Variants in CFAP251 observed in about 807,000 individuals in gnomAD.
CFAP251 encodes cilia- and flagella-associated protein 251.
A neutral mutation model predicts 126.7 loss-of-function variants in CFAP251; 93 were observed. The ratio of observed to expected loss-of-function variants is 0.73; its 90% CI spans 0.62 to 0.87. The LOEUF (loss-of-function observed/expected upper bound fraction) is 0.87, where lower values mean the gene tolerates loss of function less well. Ranked by LOEUF, CFAP251 falls within the 40% of genes least tolerant of loss-of-function variation. The probability of loss-of-function intolerance (pLI) is 0.00; values close to 1 mark genes in which losing one functional copy is unlikely to be tolerated. For synonymous variants in CFAP251, 503 were observed against 506.9 expected (o/e 0.99, Z 0.10); for missense variants, 1,287 against 1,389.2 (o/e 0.93, Z 1.17).
chr12:121,982,361 C>T (rs951375810), intron 19 of CFAP251, among the ~76,000 whole-genome samples: 4 of 151,662 alleles, frequency 2.6e-5, no homozygotes, highest in African/African-American at 9.7e-5. Context: ...CGCACATCAC[C>T]ACATCATTCA....
In CFAP251 at chr12:121,931,936, G is replaced by A. The variant is rs565385219; in HGVS notation, c.888+50G>A. On this transcript the variant is annotated intron_variant, in intron 4 of 21. Transcript: ENST00000288912. Reference sequence around the variant, plus strand: ...GGTGGGGGAGTTGTCTTTAACGTGCGTGTGGTATTTTGTTTTGTATCTCAA... The same window carrying A: ...GGTGGGGGAGTTGTCTTTAACGTGCATGTGGTATTTTGTTTTGTATCTCAA... The A allele has an allele frequency of 1.5e-5, 21 of 1,420,038 alleles. No individual in the cohort carries two copies. The Admixed American group carries it at 1.9e-4, about 13-fold the overall frequency. The allele number at this position is 1,420,038 out of a possible 1,614,324, so 88.0% of individuals were successfully genotyped here. A position where few individuals can be genotyped will look rare whatever the true frequency, so the allele number is the denominator to read the frequency against.
intron 19 of CFAP251, chr12:121,992,526 T>C: frequency 1.0e-6 from 1 of 978,526 alleles, no homozygotes; most frequent in South Asian, 4.7e-5. Flanking sequence ...CTGAGTTAAA[T>C]CATATATTAC....
intron 8 of CFAP251, 31 bp from the exon 9 acceptor site, chr12:121,951,449 T>A (rs1477236879): frequency 6.8e-7 from 1 of 1,472,348 alleles, no homozygotes; most frequent in East Asian, 2.3e-5. Flanking sequence ...CTGGGTCTTT[T>A]TGAGTAGTGA....
At chr12:121,926,216 A>G (rs1336622530) in intron 3 of CFAP251, among the ~76,000 whole-genome samples, 1 of 151,710 alleles carries the variant, frequency 6.6e-6, no homozygotes, top group Non-Finnish European at 1.5e-5. Flanking sequence ...CTAGAACTCA[A>G]TCCTCCCACT....
intron 5 of CFAP251, among the ~76,000 whole-genome samples, chr12:121,937,648 A>G (rs528619599): frequency 4.6e-5 from 7 of 152,272 alleles, no homozygotes; most frequent in African/African-American, 1.7e-4. Flanking sequence ...TGGGGAGGGA[A>G]GAGTTCAACA....
chr12:121,946,173 CTGTT>C (rs1444974438), intron 7 of CFAP251, among the ~76,000 whole-genome samples: 5 of 152,268 alleles, frequency 3.3e-5, no homozygotes, highest in Non-Finnish European at 2.9e-5. Flanking sequence ...TAAATGGACT[CTGTT>C]TGCAGAGAGC....
At chr12:121,941,365 G>T (rs1272695537) in intron 5 of CFAP251, among the ~76,000 whole-genome samples, 14 of 90,764 alleles carry the variant, frequency 1.5e-4, no homozygotes, top group South Asian at 3.7e-4. Context: ...GCAAGATCTT[G>T]CTTTATCACC....
chr12:122,003,732 A>ATT lies in CFAP251; in HGVS notation c.3420_3421dup (p.Ser1141PhefsTer17), dbSNP rs751372267. ...CGCGACTGAAATTCTTGGCTTAACC[A>ATT]TTTCAGAAGATTCCGGCCAGGATGG... On this transcript the variant is annotated frameshift_variant, in exon 22 of 22. Coordinates refer to ENST00000288912, the MANE Select transcript of CFAP251 (RefSeq NM_144668.6). LOFTEE classifies it low-confidence loss of function (END_TRUNC). 6.2e-7 allele frequency: 1 copy of ATT among 1,609,382 alleles called. No individual in the cohort carries two copies. Among genetic ancestry groups the ATT allele is most frequent in the Non-Finnish European group, 8.5e-7 (1 of 1,178,606 alleles).
chr12:121,965,170 C>T (rs1882079126), intron 15 of CFAP251, among the ~76,000 whole-genome samples: 1 of 152,100 alleles, frequency 6.6e-6, no homozygotes, highest in African/African-American at 2.4e-5. Context: ...AGGCAGTTCA[C>T]AGGAAAAGGC....
intron 19 of CFAP251, chr12:121,997,751 G>GTTTT (rs199652481): frequency 5.5e-5 from 8 of 146,646 alleles, no homozygotes; most frequent in Admixed American, 4.7e-4. Context: ...AAATACAATA[G>GTTTT]TTTGTTTTTT....
At chr12:121,938,067 T>C (rs1880959170) in intron 5 of CFAP251, among the ~76,000 whole-genome samples, 1 of 151,762 alleles carries the variant, frequency 6.6e-6, no homozygotes, top group Non-Finnish European at 1.5e-5. Context: ...TGCAGTGGTG[T>C]GATCATGGCT....
At chr12:121,934,384 T>C in intron 5 of CFAP251, 28 bp downstream of exon 5, 1 of 1,544,910 alleles carries the variant, frequency 6.5e-7, no homozygotes, top group Admixed American at 1.7e-5. Flanking sequence ...ACTTCTTTTT[T>C]CCCTGAATTT....
At chr12:121,969,049 G>T in intron 17 of CFAP251, 1 of 985,314 alleles carries the variant, frequency 1.0e-6, no homozygotes, top group Non-Finnish European at 1.2e-6. Context: ...CGCTGCCTGT[G>T]GCTCGGCTGG....
intron 19 of CFAP251, among the ~76,000 whole-genome samples, chr12:121,995,928 A>G (rs371706965): frequency 6.4e-4 from 98 of 152,360 alleles, no homozygotes; most frequent in African/African-American, 2.2e-3. Flanking sequence ...TTTTATATGC[A>G]TAGAAAAAAT....
chr12:121,979,299 C>T (rs1004878995), intron 19 of CFAP251, among the ~76,000 whole-genome samples: 4 of 152,276 alleles, frequency 2.6e-5, no homozygotes, highest in South Asian at 4.1e-4. Context: ...TGAGAAAGTT[C>T]GTACAGCCCA....
chr12:121,958,824 C>G (rs548616210), intron 12 of CFAP251, 119 bp from the exon 13 acceptor site: 6 of 1,259,600 alleles, frequency 4.8e-6, no homozygotes, highest in Non-Finnish European at 6.6e-6. Flanking sequence ...TTTCTCCGCA[C>G]GGGAGCTTTG....
intron 19 of CFAP251, among the ~76,000 whole-genome samples, chr12:121,988,078 G>A (rs1882792302): frequency 6.6e-6 from 1 of 151,534 alleles, no homozygotes; most frequent in Non-Finnish European, 1.5e-5. Flanking sequence ...CACAATGATG[G>A]TGGAAGATAT....
chr12:121,971,399 C>G (rs183984132), intron 17 of CFAP251, among the ~76,000 whole-genome samples: 1 of 152,314 alleles, frequency 6.6e-6, no homozygotes, highest in African/African-American at 2.4e-5. Flanking sequence ...GTGAGAGGAC[C>G]CAGGACAGTG....
At chr12:121,935,513 C>T (rs1257992738) in intron 5 of CFAP251, among the ~76,000 whole-genome samples, 8 of 152,356 alleles carry the variant, frequency 5.3e-5, no homozygotes, top group East Asian at 1.9e-4. Flanking sequence ...AGGCTCTGCA[C>T]GGCTATGGCC....
Sources: allele counts gnomAD v4.1 joint callset (sites outside exome capture counted in the v4.1 genomes callset), GRCh38; gene constraint gnomAD v4.1.1; transcripts MANE v1.5; gene names NCBI Gene and HGNC (gene_info 2026-07-23, HGNC 2026-07-21).